GSDMC: variants seen among roughly 807,000 people sequenced by gnomAD.
GSDMC encodes the protein gasdermin-C.
GSDMC carries 59 observed loss-of-function variants against 58.0 expected under a neutral mutation model. The ratio of observed to expected loss-of-function variants is 1.02; its 90% confidence interval spans 0.82 to 1.26. The LOEUF is 1.26. Among genes scored for constraint, GSDMC ranks in the 50% most tolerant of loss-of-function variants. The pLI is 0.00. For synonymous variants in GSDMC, 241 were observed against 220.2 expected, an observed-to-expected ratio of 1.09 and a Z score of -0.83; for missense variants, 659 against 598.5, an observed-to-expected ratio of 1.10 and a Z score of -1.06.
At chr8:129,764,710 C>T (rs1479863858) in intron 4 of GSDMC, among the ~76,000 whole-genome samples, 1 of 152,202 alleles carries the variant, frequency 6.6e-6, no homozygotes, top group African/African-American at 2.4e-5. Context: ...ATCAAAATAT[C>T]TCATGTACCC....
Position 129,748,706 on chromosome 8 carries a change from G to C in GSDMC, c.1322C>G (p.Pro441Arg), listed in dbSNP as rs149748731. The C allele has an allele frequency of 1.9e-6, 3 of 1,557,516 alleles. No homozygotes were observed. Among genetic ancestry groups the C allele is most frequent in the Non-Finnish European group, 2.6e-6 (3 of 1,154,178 alleles). ...RSILEPNFRY[P>R]WSIPFTLKPE... ...TTTGAGGGTGAAGGGAATGCTCCAG[G>C]GGTATCTGAAGTTTGGCTCCAGGAT... is the stretch of plus-strand genomic sequence containing the variant. Residue 441 changes from proline (P) to arginine (R), a missense_variant, in exon 14 of 14, where the codon CCC becomes CGC. Physicochemically the swap from Pro to Arg is moderately radical, Grantham distance 103. Transcript: ENST00000276708.
chr8:129,744,148 T>C (rs1341751518), downstream of GSDMC, among the ~76,000 whole-genome samples: 2 of 152,050 alleles, frequency 1.3e-5, no homozygotes, highest in South Asian at 2.1e-4. Context: ...CTCCACCTTA[T>C]ACAGGTTTCT....
At chr8:129,749,884 T>C in intron 12 of GSDMC, 106 bp downstream of exon 12, 2 of 868,824 alleles carry the variant, frequency 2.3e-6, no homozygotes, top group Non-Finnish European at 1.8e-6. Flanking sequence ...GGACGAAAGA[T>C]CATGGCATTC....
the GSDMC span, chr8:129,730,109 G>A: frequency 3.1e-6 from 3 of 960,770 alleles, no homozygotes; most frequent in Non-Finnish European, 4.6e-6. Flanking sequence ...ACACTATTCA[G>A]GTGTTTCTGA....
the GSDMC span, among the ~76,000 whole-genome samples, chr8:129,713,308 CT>C: frequency 6.6e-6 from 1 of 152,206 alleles, no homozygotes; most frequent in African/African-American, 2.4e-5. Flanking sequence ...GGTGATGTGA[CT>C]GGCCGTGGGG....
At chr8:129,744,379 C>A (rs1307390008), downstream of GSDMC, among the ~76,000 whole-genome samples, 1 of 152,110 alleles carries the variant, frequency 6.6e-6, no homozygotes, top group Non-Finnish European at 1.5e-5. Flanking sequence ...AGAAATATAT[C>A]TGAAGGTTGA....
At chr8:129,726,411 G>C in the GSDMC span, among the ~76,000 whole-genome samples, 4 of 152,268 alleles carry the variant, frequency 2.6e-5, no homozygotes, top group Admixed American at 6.5e-5. Flanking sequence ...AGAGAGAGGA[G>C]ATGGCCTTGA....
In GSDMC at chr8:129,769,978, A is replaced by G. The variant is rs2033995518; in HGVS notation, c.405-4185T>C. On this transcript the variant is annotated intron_variant, in intron 3 of 13. Transcript: ENST00000276708. ...GTAAAATTCATCAGTAAAGGAAAAT[A>G]TATAATCAGAGTCAGAATTCTGTAA... Among the ~76,000 whole-genome samples, 7 of 152,250 alleles carry G rather than the reference A, an allele frequency of 4.6e-5. No individual in the cohort carries two copies. The South Asian group carries it at 1.2e-3, about 27-fold the overall frequency.
rs35034463 is a variant in GSDMC at position 129,776,738 on chromosome 8, C to CTGT, written c.221-456_221-454dup. Reference sequence around the variant, plus strand: ...TAACTGTTTTTTTGTTTGGTTTTTGCTGTTGTTGTTGTTGTTGTTGTTTTT... The same window carrying CTGT: ...TAACTGTTTTTTTGTTTGGTTTTTGCTGTTGTTGTTGTTGTTGTTGTTGTTTTT... On this transcript the variant is annotated intron_variant, in intron 2 of 13. Transcript: ENST00000276708. 5.7e-4 allele frequency among the ~76,000 whole-genome samples: 86 copies of CTGT among 151,016 alleles called. 1 individual carries two copies. Among genetic ancestry groups the CTGT allele is most frequent in the African/African-American group, 1.6e-3 (66 of 41,000 alleles).
the GSDMC span, among the ~76,000 whole-genome samples, chr8:129,717,029 T>C: frequency 1.3e-5 from 2 of 152,184 alleles, no homozygotes; most frequent in African/African-American, 2.4e-5. Flanking sequence ...CAGTATTTTA[T>C]TAAGGATTTT....
chr8:129,716,115 T>A, the GSDMC span, among the ~76,000 whole-genome samples: 56,054 of 152,008 alleles, frequency 0.37, 13,936 homozygotes, highest in East Asian at 0.71. Context: ...ATATGGGCAA[T>A]TTTTTTAAAA....
chr8:129,708,822 T>C, the GSDMC span, among the ~76,000 whole-genome samples: 9 of 152,272 alleles, frequency 5.9e-5, no homozygotes, highest in African/African-American at 1.7e-4. Flanking sequence ...AGGTGAACCA[T>C]TGGTTTTCTC....
At chr8:129,766,133 T>C (rs1040923825) in intron 3 of GSDMC, among the ~76,000 whole-genome samples, 1 of 152,212 alleles carries the variant, frequency 6.6e-6, no homozygotes, top group Non-Finnish European at 1.5e-5. Flanking sequence ...CAGGTCCAGA[T>C]GATTGAGAAC....
In GSDMC at chr8:129,765,736, G is replaced by C; in HGVS notation, c.462C>G (p.Asn154Lys). Residue 154 changes from asparagine (N) to lysine (K), a missense_variant, in exon 4 of 14, where the codon AAC (asparagine) becomes AAG (lysine). By Grantham distance (94) the Asn-to-Lys change is moderately conservative (BLOSUM62 0). Transcript: ENST00000276708. ...FLKECRRRGD[N>K]LYVVTEAVEL... ...CAACAGCCTCTGTCACCACGTACAG[G>C]TTGTCCCCTCTCCTCCGGCACTCCT... The C allele has an allele frequency of 6.2e-7, 1 of 1,613,106 alleles. No individual in the cohort carries two copies. The highest frequency in any genetic ancestry group is 8.5e-7 in the Non-Finnish European group (1 of 1,179,070).
At chr8:129,774,820 A>T (rs938676549) in intron 3 of GSDMC, among the ~76,000 whole-genome samples, 1 of 152,244 alleles carries the variant, frequency 6.6e-6, no homozygotes. Context: ...TAACAGGCAC[A>T]TGAAATTGTG....
At chr8:129,710,924 A>G in the GSDMC span, among the ~76,000 whole-genome samples, 8 of 152,188 alleles carry the variant, frequency 5.3e-5, no homozygotes, top group African/African-American at 1.9e-4. Context: ...CTGCAGGCAG[A>G]GGGAAAATCT....
intron 4 of GSDMC, 85 bp from the exon 5 acceptor site, chr8:129,762,816 A>G: frequency 1.2e-6 from 1 of 855,474 alleles, no homozygotes. Flanking sequence ...TAGGAAAAAC[A>G]TCAGCATTCC....
At chr8:129,713,129 C>T in the GSDMC span, among the ~76,000 whole-genome samples, 1 of 152,354 alleles carries the variant, frequency 6.6e-6, no homozygotes, top group South Asian at 2.1e-4. Flanking sequence ...ATGGACTAAA[C>T]AGAGACTTGC....
chr8:129,728,047 C>T, the GSDMC span, among the ~76,000 whole-genome samples: 1 of 152,096 alleles, frequency 6.6e-6, no homozygotes, highest in Non-Finnish European at 1.5e-5. Flanking sequence ...GCACACTTGG[C>T]CGGGACCAGC....
Sources: gnomAD v4.1 joint callset for allele counts (sites outside exome capture counted in the v4.1 genomes callset) on GRCh38, gnomAD v4.1.1 for gene constraint, MANE v1.5 for transcripts, NCBI Gene and HGNC (gene_info 2026-07-23, HGNC 2026-07-21) for gene names.